Variants in SPOP observed in about 807,000 individuals in gnomAD.
SPOP encodes the protein speckle type BTB/POZ protein.
Under a neutral mutation model 45.6 loss-of-function variants are expected in SPOP, and 11 were observed. The observed-to-expected ratio is 0.24, with a 90% CI of 0.15 to 0.40. The LOEUF is 0.40. SPOP is among the 10% of genes least tolerant of loss of function. The pLI is 1.00. For missense variants in SPOP, 152 were observed against 465.6 expected, an observed-to-expected ratio of 0.33 and a Z score of 6.20; for synonymous variants, 166 against 166.3, an observed-to-expected ratio of 1.00 and a Z score of 0.01.
chr17:49,668,716 T>C (rs1483529196), intron 1 of SPOP, among the ~76,000 whole-genome samples: 1 of 151,888 alleles, frequency 6.6e-6, no homozygotes, highest in Non-Finnish European at 1.5e-5. Flanking sequence ...GATATACATA[T>C]ATACACACAT....
rs2143272605 is a variant in SPOP at position 49,619,334 on chromosome 17, C to A, written c.252G>T (p.Leu84=). 6.2e-7 allele frequency: 1 copy of A among 1,614,052 alleles called. No homozygotes were observed. The highest frequency in any genetic ancestry group is 8.5e-7 in the Non-Finnish European group (1 of 1,180,024). The change falls in exon 4 of 10, where the codon CTG becomes CTT. Residue 84 remains leucine (L), a synonymous_variant. Coordinates refer to ENST00000504102, the MANE Select transcript of SPOP (RefSeq NM_001007228.2). This position sits in a 1 kb window ranked among gnomAD's most constrained non-coding sequence, Gnocchi z 4.9. ...AGCTGACCAGTAACAGGTAAAGTGA[C>A]AGGTAATCTTTGCTTTCTTCATCTA... ...KGLDEESKDY[L]SLYLLLVSCP... is the part of the protein sequence containing the mutation.
chr17:49,623,082 C>A (rs1296663462), intron 1 of SPOP, among the ~76,000 whole-genome samples: 1 of 152,056 alleles, frequency 6.6e-6, no homozygotes, highest in East Asian at 1.9e-4. Context: ...TCTTGGCTCA[C>A]CGCAACCTCC....
At chr17:49,617,595 A>G (rs762156502) in intron 5 of SPOP, among the ~76,000 whole-genome samples, 1 of 152,170 alleles carries the variant, frequency 6.6e-6, no homozygotes, top group South Asian at 2.1e-4. Flanking sequence ...AACTGCCTCC[A>G]AAGTTTTCTA....
chr17:49,606,087 T>C (rs2071838497), intron 8 of SPOP, among the ~76,000 whole-genome samples: 1 of 152,126 alleles, frequency 6.6e-6, no homozygotes, highest in African/African-American at 2.4e-5. Context: ...ATATTATCTA[T>C]ACTAATTAAT....
chr17:49,667,243 A>T (rs192632058), intron 1 of SPOP, among the ~76,000 whole-genome samples: 1,527 of 150,520 alleles, frequency 0.01, 21 homozygotes, highest in African/African-American at 0.035. Flanking sequence ...CAAAAAAAAA[A>T]TTTTTTTTTA....
intron 1 of SPOP, among the ~76,000 whole-genome samples, chr17:49,677,230 G>C (rs1277784097): frequency 2.0e-5 from 3 of 152,084 alleles, no homozygotes; most frequent in African/African-American, 7.2e-5. Context: ...CTAAATTTAG[G>C]GTAAGTTGGT....
At chr17:49,632,864 C>CT (rs1386103872) in intron 1 of SPOP, among the ~76,000 whole-genome samples, 1 of 152,148 alleles carries the variant, frequency 6.6e-6, no homozygotes, top group Non-Finnish European at 1.5e-5. Flanking sequence ...GTTTTTGTAT[C>CT]TGACACTGGG....
At chr17:49,605,398 T>A (rs1276460210) in intron 8 of SPOP, among the ~76,000 whole-genome samples, 1 of 152,166 alleles carries the variant, frequency 6.6e-6, no homozygotes, top group Non-Finnish European at 1.5e-5. Context: ...TTATATAAAT[T>A]GACAGTATTG....
chr17:49,670,798 C>T (rs993792228), intron 1 of SPOP, among the ~76,000 whole-genome samples: 5 of 152,074 alleles, frequency 3.3e-5, no homozygotes, highest in African/African-American at 7.2e-5. Flanking sequence ...TCAGAGTTTA[C>T]GGCCTATCTG....
At position 49,600,160 on chromosome 17, in the gene SPOP, C is replaced by A. The variant is rs1480189223; in HGVS notation, c.*218G>T. 1.6e-6 allele frequency: 1 copy of A among 639,054 alleles called. No homozygotes were observed. Among genetic ancestry groups the A allele is most frequent in the East Asian group, 2.8e-5 (1 of 36,102 alleles). The allele number at this position is 639,054 out of a possible 1,614,324, so 39.6% of individuals were successfully genotyped here. ...TCAAACTCAGCCAGGCCAAAGGGAA[C>A]ACAGTGACGCAGCAACAGGGTTTTC... is the stretch of plus-strand genomic sequence containing the variant. On this transcript the variant is annotated 3_prime_UTR_variant, in exon 10 of 10. Coordinates refer to ENST00000504102, the MANE Select transcript of SPOP (RefSeq NM_001007228.2). The surrounding 1 kb of genome is among the most constrained non-coding windows in gnomAD (Gnocchi z 4.2).
At chr17:49,634,333 C>T (rs1020050472) in intron 1 of SPOP, among the ~76,000 whole-genome samples, 3 of 152,134 alleles carry the variant, frequency 2.0e-5, no homozygotes, top group Non-Finnish European at 4.4e-5. Context: ...GATTTTAACA[C>T]GTCCCACATG....
intron 1 of SPOP, chr17:49,636,401 C>T (rs368006377): frequency 7.2e-5 from 11 of 152,262 alleles, no homozygotes; most frequent in African/African-American, 2.4e-4. Flanking sequence ...TATCATTTCT[C>T]CCCTCCACCA....
Position 49,622,869 on chromosome 17 carries a change from T to A in SPOP, c.-59A>T, listed in dbSNP as rs2072247635. On this transcript the variant is annotated 5_prime_UTR_variant, in exon 2 of 10. Coordinates refer to ENST00000504102, the MANE Select transcript of SPOP (RefSeq NM_001007228.2). ...TCAGGGGGCAAAGATTTCTGTTCCC[T>A]CTTCACCCTGGTCAGATCCAAGAAG... is the stretch of plus-strand genomic sequence containing the variant. 3.7e-6 allele frequency: 5 copies of A among 1,359,890 alleles called. No homozygotes were observed. The Admixed American group carries it at 8.4e-5, about 23-fold the overall frequency. The allele number at this position is 1,359,890 out of a possible 1,614,324, so 84.2% of individuals were successfully genotyped here.
At chr17:49,659,431 A>G (rs976532523) in intron 1 of SPOP, among the ~76,000 whole-genome samples, 1 of 152,184 alleles carries the variant, frequency 6.6e-6, no homozygotes, top group Admixed American at 6.5e-5. Context: ...CCTAGGCTTT[A>G]TATCTCAAAG....
At chr17:49,667,321 G>A (rs1220830802) in intron 1 of SPOP, among the ~76,000 whole-genome samples, 1 of 150,792 alleles carries the variant, frequency 6.6e-6, no homozygotes, top group Non-Finnish European at 1.5e-5. Flanking sequence ...CAGGTACGGT[G>A]GCTCACGCCT....
At chr17:49,612,879 T>G (rs2072003477) in intron 5 of SPOP, 1 of 152,216 alleles carries the variant, frequency 6.6e-6, no homozygotes, top group Admixed American at 6.5e-5. Flanking sequence ...ACCTTCAAGA[T>G]GCAAGTCATC....
At chr17:49,648,874 C>CA (rs1413841205) in intron 1 of SPOP, among the ~76,000 whole-genome samples, 3 of 152,170 alleles carry the variant, frequency 2.0e-5, no homozygotes, top group African/African-American at 7.2e-5. Flanking sequence ...TCTCCTGCCT[C>CA]AGCCTCCCGA....
chr17:49,645,846 T>G (rs2072748078), intron 1 of SPOP, among the ~76,000 whole-genome samples: 1 of 150,850 alleles, frequency 6.6e-6, no homozygotes, highest in Non-Finnish European at 1.5e-5. Context: ...TCCTTCTTCC[T>G]TGACGTTTCC....
chr17:49,615,490 CTATTTATTTATT>C (rs532797342), intron 5 of SPOP, among the ~76,000 whole-genome samples: 1 of 151,816 alleles, frequency 6.6e-6, no homozygotes, highest in African/African-American at 2.4e-5. Context: ...CTTCATGTCT[CTATTTATTTATT>C]TATTTATTTA....
Sources: gnomAD v4.1 joint callset for allele counts (sites outside exome capture counted in the v4.1 genomes callset) on GRCh38, gnomAD v4.1.1 for gene constraint, Gnocchi (gnomAD v3.1) non-coding constraint, MANE v1.5 for transcripts, NCBI Gene and HGNC (gene_info 2026-07-23, HGNC 2026-07-21) for gene names.